RAPGEF5: variants seen among roughly 807,000 people sequenced by gnomAD.
RAPGEF5 encodes the protein M-Ras-regulated GEF.
A neutral mutation model predicts 125.2 loss-of-function variants in RAPGEF5; 65 were observed. The observed-to-expected ratio is 0.52, with a 90% CI of 0.43 to 0.64. The LOEUF (loss-of-function observed/expected upper bound fraction) is 0.64, where lower values mean the gene tolerates loss of function less well. RAPGEF5 is among the 30% of genes least tolerant of loss of function. The probability of loss-of-function intolerance (pLI) is 0.00; values close to 1 mark genes in which losing one functional copy is unlikely to be tolerated. For missense variants in RAPGEF5, 958 were observed against 1,048.1 expected (o/e 0.91, Z 1.19); for synonymous variants, 391 against 385.9 (o/e 1.01, Z -0.16).
intron 7 of RAPGEF5, among the ~76,000 whole-genome samples, chr7:22,265,945 T>A (rs1361506465): frequency 6.6e-6 from 1 of 152,156 alleles, no homozygotes; most frequent in African/African-American, 2.4e-5. Context: ...ATTCCTTGCA[T>A]CCTCCTTCCC....
intron 24 of RAPGEF5, among the ~76,000 whole-genome samples, chr7:22,128,328 A>G (rs770567984): frequency 6.6e-5 from 10 of 152,218 alleles, no homozygotes; most frequent in Non-Finnish European, 1.3e-4. Flanking sequence ...AAGAACAGAA[A>G]TCTCATTAGA....
At chr7:22,200,851 G>A (rs1252964714) in intron 9 of RAPGEF5, among the ~76,000 whole-genome samples, 4 of 152,128 alleles carry the variant, frequency 2.6e-5, no homozygotes, top group African/African-American at 9.7e-5. Context: ...CTGCACAATA[G>A]GGCAGAAAAG....
At chr7:22,310,130 A>T (rs767182215) in intron 3 of RAPGEF5, 40 bp from the exon 4 acceptor site, 1 of 1,460,786 alleles carries the variant, frequency 6.8e-7, no homozygotes, top group East Asian at 2.7e-5. Context: ...GATATTGCTG[A>T]CATCCGTTTG....
In RAPGEF5 at chr7:22,270,232, C is replaced by T. The variant is rs1411593573; in HGVS notation, c.748-3220G>A. 1.3e-5 allele frequency among the ~76,000 whole-genome samples: 2 copies of T among 152,204 alleles called. 1 individual carries two copies. The highest frequency in any genetic ancestry group is 1.3e-4 in the Admixed American group (2 of 15,280). ...ATAAAAGCAAGCAGCTCCAGCTTCT[C>T]AGGGCTGCTCTCTGGCCACTAGAGC... On this transcript the variant is annotated intron_variant, in intron 6 of 25. Coordinates refer to ENST00000665637, the MANE Select transcript of RAPGEF5 (RefSeq NM_012294.5).
intron 9 of RAPGEF5, among the ~76,000 whole-genome samples, chr7:22,203,730 C>T (rs557632323): frequency 2.0e-5 from 3 of 152,244 alleles, no homozygotes; most frequent in South Asian, 4.2e-4. Context: ...TTTTTTGAGC[C>T]ACTTACCACC....
intron 11 of RAPGEF5, among the ~76,000 whole-genome samples, chr7:22,172,864 G>A (rs1416107432): frequency 2.0e-5 from 3 of 152,112 alleles, no homozygotes; most frequent in Admixed American, 6.5e-5. Context: ...AATGCACTGC[G>A]ATAATGAAAC....
intron 8 of RAPGEF5, among the ~76,000 whole-genome samples, chr7:22,225,842 A>T (rs1304827673): frequency 6.6e-6 from 1 of 152,252 alleles, no homozygotes; most frequent in Non-Finnish European, 1.5e-5. Context: ...GTTTTGAAAA[A>T]AAGTCTCCAT....
intron 11 of RAPGEF5, among the ~76,000 whole-genome samples, chr7:22,174,256 G>T (rs763736356): frequency 1.3e-5 from 2 of 152,168 alleles, no homozygotes; most frequent in African/African-American, 2.4e-5. Flanking sequence ...GAATTTCCAA[G>T]AAGAATTGGA....
At chr7:22,227,106 G>A (rs1007043549) in intron 8 of RAPGEF5, among the ~76,000 whole-genome samples, 3 of 151,492 alleles carry the variant, frequency 2.0e-5, no homozygotes, top group South Asian at 4.2e-4. Context: ...TTCCTTTAAC[G>A]TTCAGACTAA....
At chr7:22,252,887 A>G (rs1214786130) in intron 7 of RAPGEF5, among the ~76,000 whole-genome samples, 2 of 152,194 alleles carry the variant, frequency 1.3e-5, no homozygotes, top group South Asian at 2.1e-4. Context: ...ATTTTCAAAT[A>G]TGCTTTAACT....
At chr7:22,189,450 G>A (rs1242766925) in intron 11 of RAPGEF5, among the ~76,000 whole-genome samples, 1 of 152,138 alleles carries the variant, frequency 6.6e-6, no homozygotes, top group Admixed American at 6.5e-5. Flanking sequence ...GACCACCACA[G>A]AGCAGGACTG....
At chr7:22,312,517 C>T (rs1783497105) in intron 3 of RAPGEF5, among the ~76,000 whole-genome samples, 1 of 152,110 alleles carries the variant, frequency 6.6e-6, no homozygotes. Context: ...CCAGATTCCA[C>T]ATTCCTAACA....
At chr7:22,171,507 C>CT (rs1187848231) in intron 11 of RAPGEF5, among the ~76,000 whole-genome samples, 3 of 152,078 alleles carry the variant, frequency 2.0e-5, no homozygotes, top group African/African-American at 7.2e-5. Context: ...CATATCCTTT[C>CT]TTTTTTTTGA....
At position 22,208,833 on chromosome 7, in the gene RAPGEF5, G is replaced by A. The variant is rs144436461; in HGVS notation, c.996+11033C>T. On this transcript the variant is annotated intron_variant, in intron 9 of 25. Coordinates refer to ENST00000665637, the MANE Select transcript of RAPGEF5 (RefSeq NM_012294.5). The stretch of plus-strand genomic sequence containing the variant: ...CTACGTTCTTCTCCAAAGATTCTAG[G>A]GAAGAACTGGACTAGCCAGATATGG... Among the ~76,000 whole-genome samples the A allele has an allele frequency of 1.2e-4, 18 of 152,312 alleles. No homozygotes were observed. The Middle Eastern group carries it at 0.01, about 86-fold the overall frequency.
intron 11 of RAPGEF5, among the ~76,000 whole-genome samples, chr7:22,187,526 CA>C (rs1438857903): frequency 6.6e-6 from 1 of 152,214 alleles, no homozygotes; most frequent in Non-Finnish European, 1.5e-5. Context: ...AGAACCCACA[CA>C]AAAATCCAAA....
At chr7:22,151,073 A>G (rs1783611208) in intron 17 of RAPGEF5, among the ~76,000 whole-genome samples, 1 of 152,208 alleles carries the variant, frequency 6.6e-6, no homozygotes, top group Non-Finnish European at 1.5e-5. Context: ...TCATTATACC[A>G]TCATTTAATC....
intron 9 of RAPGEF5, among the ~76,000 whole-genome samples, chr7:22,209,603 GAGA>G (rs1785465928): frequency 6.6e-6 from 1 of 152,156 alleles, no homozygotes; most frequent in Non-Finnish European, 1.5e-5. Context: ...GGTGTTTAAT[GAGA>G]AGAACTGAAT....
At chr7:22,167,388 T>C (rs910754880) in intron 11 of RAPGEF5, among the ~76,000 whole-genome samples, 1 of 152,230 alleles carries the variant, frequency 6.6e-6, no homozygotes, top group Non-Finnish European at 1.5e-5. Context: ...TCTCTAAACA[T>C]ACAATTTTGT....
chr7:22,146,976 CTCA>C lies in RAPGEF5; in HGVS notation c.1925_1927del (p.Met642del). On this transcript the variant is annotated inframe_deletion, in exon 19 of 26. Coordinates refer to ENST00000665637, the MANE Select transcript of RAPGEF5 (RefSeq NM_012294.5). ...ATCCCAAGTGTTCATTCCCAAAATC[CTCA>C]TCGACCTTTGCTGTGATTCCTCATT... 2 of 1,613,658 alleles carry C rather than the reference CTCA, an allele frequency of 1.2e-6. No homozygotes were observed. The highest frequency in any genetic ancestry group is 4.5e-5 in the East Asian group (2 of 44,870).
Sources: allele counts gnomAD v4.1 joint callset (sites outside exome capture counted in the v4.1 genomes callset), GRCh38; gene constraint gnomAD v4.1.1; transcripts MANE v1.5; gene names NCBI Gene and HGNC (gene_info 2026-07-23, HGNC 2026-07-21).